The following CPAP variants were observed in gnomAD, a reference collection of about 807,000 sequenced individuals.
CPAP encodes the protein centrosomal P4.1-associated protein.
the CPAP span, chr13:24,924,963 CA>C: frequency 1.3e-5 from 2 of 152,028 alleles, no homozygotes; most frequent in African/African-American, 2.4e-5. Context: ...GAAAAAGTAG[CA>C]AAAAACCTCC....
the CPAP span, among the ~76,000 whole-genome samples, chr13:24,910,639 A>C: frequency 1.3e-5 from 2 of 152,242 alleles, no homozygotes; most frequent in Non-Finnish European, 2.9e-5. Flanking sequence ...AAATATTTGA[A>C]AACTACTGCT....
the CPAP span, among the ~76,000 whole-genome samples, chr13:24,904,470 T>C: frequency 6.6e-5 from 10 of 152,356 alleles, no homozygotes; most frequent in African/African-American, 2.4e-4. Flanking sequence ...TTTATCAAAT[T>C]TGCTATTTAA....
chr13:24,932,035 G>A, the CPAP span, among the ~76,000 whole-genome samples: 1 of 152,224 alleles, frequency 6.6e-6, no homozygotes, highest in African/African-American at 2.4e-5. Flanking sequence ...GCCTTCTGGC[G>A]ACGGTCCCTG....
the CPAP span, among the ~76,000 whole-genome samples, chr13:24,888,798 G>A: frequency 3.3e-5 from 5 of 152,066 alleles, no homozygotes; most frequent in African/African-American, 9.7e-5. Flanking sequence ...CAATCAACTG[G>A]AGGTTTTATG....
chr13:24,891,631 C>T, the CPAP span, among the ~76,000 whole-genome samples: 2 of 152,104 alleles, frequency 1.3e-5, no homozygotes, highest in East Asian at 1.9e-4. Context: ...GCCACCCAGT[C>T]CCCCCAAGCC....
the CPAP span, chr13:24,905,354 T>G: frequency 6.2e-7 from 1 of 1,614,058 alleles, no homozygotes; most frequent in Non-Finnish European, 8.5e-7. Flanking sequence ...ACCAGGTGGT[T>G]GGTCTTGACT....
the CPAP span, among the ~76,000 whole-genome samples, chr13:24,908,412 A>G: frequency 2.2e-5 from 3 of 138,418 alleles, no homozygotes; most frequent in Admixed American, 8.0e-5. Flanking sequence ...CAGCCTGGCC[A>G]ACGTGGCGAA....
At chr13:24,908,836 C>T in the CPAP span, among the ~76,000 whole-genome samples, 7 of 152,018 alleles carry the variant, frequency 4.6e-5, no homozygotes, top group African/African-American at 1.7e-4. Flanking sequence ...AAGGAATTAT[C>T]ATTAATTTCT....
the CPAP span, chr13:24,909,660 C>G: frequency 1.2e-6 from 1 of 865,136 alleles, no homozygotes; most frequent in Non-Finnish European, 1.8e-6. Flanking sequence ...GAGATTGAGT[C>G]CAGCCTGAGC....
chr13:24,901,355 A>C, the CPAP span, among the ~76,000 whole-genome samples: 8 of 152,334 alleles, frequency 5.3e-5, no homozygotes, highest in African/African-American at 1.4e-4. Context: ...AAATAAATAC[A>C]AACTTTAGCA....
the CPAP span, among the ~76,000 whole-genome samples, chr13:24,896,609 C>A: frequency 6.6e-6 from 1 of 152,216 alleles, no homozygotes; most frequent in Non-Finnish European, 1.5e-5. Flanking sequence ...AAAGAAAACC[C>A]ACGTTATTCA....
the CPAP span, among the ~76,000 whole-genome samples, chr13:24,908,622 T>C: frequency 1.1e-3 from 122 of 110,154 alleles, 1 homozygote; most frequent in East Asian, 0.032. Flanking sequence ...ATAAAGACAC[T>C]TGACATTCTT....
At chr13:24,932,907 G>C in the CPAP span, 3 of 746,406 alleles carry the variant, frequency 4.0e-6, no homozygotes, top group South Asian at 5.0e-5. Flanking sequence ...GTTTCTTAAG[G>C]TAATGCCTAA....
the CPAP span, among the ~76,000 whole-genome samples, chr13:24,916,573 T>C: frequency 6.6e-6 from 1 of 152,230 alleles, no homozygotes; most frequent in South Asian, 2.1e-4. Context: ...AGAAACTCTT[T>C]TTTGCTTTTG....
the CPAP span, among the ~76,000 whole-genome samples, chr13:24,894,398 T>C: frequency 1.3e-5 from 2 of 152,154 alleles, no homozygotes; most frequent in Non-Finnish European, 2.9e-5. Flanking sequence ...TCGAGGCCTC[T>C]GGCCCAAGCA....
the CPAP span, among the ~76,000 whole-genome samples, chr13:24,921,043 T>C: frequency 6.6e-6 from 1 of 152,166 alleles, no homozygotes; most frequent in African/African-American, 2.4e-5. Flanking sequence ...AAGTTGATCA[T>C]ACAAATTGAG....
the CPAP span, chr13:24,889,314 A>G: frequency 1.3e-6 from 2 of 1,597,470 alleles, no homozygotes; most frequent in Non-Finnish European, 1.7e-6. Flanking sequence ...GCAGCCTCTT[A>G]CCTTGCATTG....
chr13:24,916,312 T>A, the CPAP span, among the ~76,000 whole-genome samples: 1 of 151,884 alleles, frequency 6.6e-6, no homozygotes, highest in Non-Finnish European at 1.5e-5. Context: ...TACAGCAAAA[T>A]ATATATATAA....
At chr13:24,884,341 G>A in the CPAP span, 2 of 1,614,142 alleles carry the variant, frequency 1.2e-6, no homozygotes, top group Non-Finnish European at 8.5e-7. Flanking sequence ...GGTCTGGCAT[G>A]ACCTGCTTCA....
Sources: gnomAD v4.1 joint callset for allele counts (sites outside exome capture counted in the v4.1 genomes callset) on GRCh38, gnomAD v4.1.1 for gene constraint, MANE v1.5 for transcripts, NCBI Gene and HGNC (gene_info 2026-07-23, HGNC 2026-07-21) for gene names.